Variants in MICU3 observed in about 807,000 individuals in gnomAD.
MICU3 encodes the protein mitochondrial calcium uptake 3, also known as calcium uptake protein 3, mitochondrial.
Under a neutral mutation model 66.5 loss-of-function variants are expected in MICU3, and 62 were observed. The observed-to-expected ratio is 0.93, with a 90% CI of 0.76 to 1.15. MICU3 has a LOEUF of 1.15. Among genes scored for constraint, MICU3 ranks in the 50% most tolerant of loss-of-function variants. MICU3 has a pLI of 0.00. For missense variants in MICU3, 779 were observed against 664.4 expected, an observed-to-expected ratio of 1.17 and a Z score of -1.90; for synonymous variants, 308 against 240.7, an observed-to-expected ratio of 1.28 and a Z score of -2.59.
chr8:17,051,582 T>C (rs1399075332), intron 1 of MICU3, among the ~76,000 whole-genome samples: 1 of 152,092 alleles, frequency 6.6e-6, no homozygotes, highest in Non-Finnish European at 1.5e-5. Flanking sequence ...CAAACAGGAA[T>C]ACCCAGAGGG....
chr8:17,053,293 T>A (rs1374829364), intron 1 of MICU3, among the ~76,000 whole-genome samples: 2 of 152,204 alleles, frequency 1.3e-5, no homozygotes, highest in African/African-American at 4.8e-5. Context: ...GTTTCTCTAA[T>A]TGTCAAGTAG....
At chr8:17,105,828 A>T (rs1801692866) in intron 11 of MICU3, among the ~76,000 whole-genome samples, 4 of 152,024 alleles carry the variant, frequency 2.6e-5, no homozygotes, top group Non-Finnish European at 5.9e-5. Context: ...CAATTGTTTT[A>T]TTCAAATTAA....
chr8:17,108,357 C>G (rs557591656), intron 11 of MICU3, among the ~76,000 whole-genome samples: 2 of 152,234 alleles, frequency 1.3e-5, no homozygotes, highest in South Asian at 4.2e-4. Context: ...AAACTTCTCC[C>G]CTGAATTTCA....
At chr8:17,080,462 C>A (rs188224797) in intron 4 of MICU3, among the ~76,000 whole-genome samples, 1 of 152,250 alleles carries the variant, frequency 6.6e-6, no homozygotes, top group East Asian at 1.9e-4. Flanking sequence ...ACCAGGTCAA[C>A]TAGAACAACA....
At chr8:17,073,756 A>G (rs1275486234) in intron 3 of MICU3, among the ~76,000 whole-genome samples, 3 of 152,294 alleles carry the variant, frequency 2.0e-5, no homozygotes, top group African/African-American at 4.8e-5. Context: ...TATGTCAATC[A>G]TCAGGCAGGT....
chr8:17,087,714 G>T (rs1391571082), intron 7 of MICU3, among the ~76,000 whole-genome samples: 1 of 152,004 alleles, frequency 6.6e-6, no homozygotes, highest in Non-Finnish European at 1.5e-5. Flanking sequence ...CATAATTATA[G>T]ATGAGGAAAC....
chr8:17,045,723 A>G (rs1308123367), intron 1 of MICU3, among the ~76,000 whole-genome samples: 5 of 152,234 alleles, frequency 3.3e-5, no homozygotes, highest in Non-Finnish European at 7.3e-5. Flanking sequence ...GGTAATTTAT[A>G]AAGGAAAGAG....
chr8:17,035,715 T>C (rs932574613), intron 1 of MICU3, among the ~76,000 whole-genome samples: 1 of 152,178 alleles, frequency 6.6e-6, no homozygotes, highest in Non-Finnish European at 1.5e-5. Flanking sequence ...CACAAAGATA[T>C]GGTTTGGAAT....
chr8:17,077,610 G>A (rs1466158328), intron 3 of MICU3, among the ~76,000 whole-genome samples, 173 bp from the exon 4 acceptor site: 1 of 152,036 alleles, frequency 6.6e-6, no homozygotes, highest in African/African-American at 2.4e-5. Context: ...TTTGAACTGT[G>A]GGCAAATACT....
At chr8:17,089,100 G>A (rs1357904430) in intron 7 of MICU3, among the ~76,000 whole-genome samples, 5 of 151,722 alleles carry the variant, frequency 3.3e-5, no homozygotes, top group Admixed American at 6.6e-5. Context: ...ATTTATAAAC[G>A]AATGCTTACT....
chr8:17,051,725 G>A (rs1244658278), intron 1 of MICU3, among the ~76,000 whole-genome samples: 1 of 152,130 alleles, frequency 6.6e-6, no homozygotes, highest in Non-Finnish European at 1.5e-5. Flanking sequence ...GCAACAAGGA[G>A]GTCATTGATG....
intron 1 of MICU3, among the ~76,000 whole-genome samples, chr8:17,050,751 T>C (rs1304939473): frequency 6.6e-6 from 1 of 152,186 alleles, no homozygotes; most frequent in Non-Finnish European, 1.5e-5. Context: ...GACTCTTAAT[T>C]CCATGTATTT....
intron 1 of MICU3, among the ~76,000 whole-genome samples, chr8:17,059,601 CA>C (rs1421213839): frequency 1.3e-5 from 2 of 152,064 alleles, no homozygotes; most frequent in African/African-American, 4.8e-5. Context: ...ACCTACTTAG[CA>C]AATCTGAGAA....
At chr8:17,079,203 C>A (rs1211376983) in intron 4 of MICU3, among the ~76,000 whole-genome samples, 1 of 140,904 alleles carries the variant, frequency 7.1e-6, no homozygotes, top group South Asian at 2.4e-4. Flanking sequence ...GACGGAAATA[C>A]TCTGTTTCTA....
At chr8:17,103,968 G>A (rs80105345) in intron 9 of MICU3, among the ~76,000 whole-genome samples, 5,914 of 151,884 alleles carry the variant, frequency 0.039, 421 homozygotes, top group African/African-American at 0.14. Context: ...TATATCTGAA[G>A]AGGTTACCTC....
At chr8:17,039,998 C>T (rs749088417) in intron 1 of MICU3, among the ~76,000 whole-genome samples, 6 of 146,326 alleles carry the variant, frequency 4.1e-5, no homozygotes, top group Non-Finnish European at 9.0e-5. Flanking sequence ...ACCTCCACCT[C>T]CCATGTTCAA....
chr8:17,122,393 C>A lies in MICU3; in HGVS notation c.*2106C>A, dbSNP rs567309606. 2.0e-5 allele frequency: 3 copies of A among 151,778 alleles called. No individual in the cohort carries two copies. Among genetic ancestry groups the A allele is most frequent in the African/African-American group, 7.2e-5 (3 of 41,406 alleles). 9.4% of individuals were successfully genotyped at this position (151,778 alleles called of 1,614,324 possible). The stretch of plus-strand genomic sequence containing the variant: ...TAATAATGTACTGACTACATGTATG[C>A]TGTTATTGTCAGTGTTTCCTTCTAT... On this transcript the variant is annotated 3_prime_UTR_variant, in exon 15 of 15. Transcript: ENST00000318063.
intron 7 of MICU3, 28 bp from the exon 8 acceptor site, chr8:17,090,518 T>G: frequency 1.2e-6 from 2 of 1,601,596 alleles, no homozygotes; most frequent in Non-Finnish European, 1.7e-6. Flanking sequence ...ATATGACACT[T>G]CATTTGGCCC....
At chr8:17,031,354 C>G (rs1812038057) in intron 1 of MICU3, among the ~76,000 whole-genome samples, 1 of 150,898 alleles carries the variant, frequency 6.6e-6, no homozygotes. Flanking sequence ...GGGGTGTGAT[C>G]TCAGTCACTG....
Sources: gnomAD v4.1 joint callset for allele counts (sites outside exome capture counted in the v4.1 genomes callset) on GRCh38, gnomAD v4.1.1 for gene constraint, MANE v1.5 for transcripts, NCBI Gene and HGNC (gene_info 2026-07-23, HGNC 2026-07-21) for gene names.